Variants in NAALADL2 observed in about 807,000 individuals in gnomAD.
The protein encoded by NAALADL2 is N-acetylated alpha-linked acidic dipeptidase like 2, also known as inactive N-acetylated-alpha-linked acidic dipeptidase-like protein 2.
Under a neutral mutation model 87.2 loss-of-function variants are expected in NAALADL2, and 76 were observed. That is an observed-to-expected ratio of 0.87 (90% CI 0.72 to 1.05). The LOEUF is 1.05. Among genes scored for constraint, NAALADL2 ranks in the 50% least tolerant of loss-of-function variants. NAALADL2 has a pLI of 0.00. For synonymous variants in NAALADL2, 354 were observed against 331.0 expected, an observed-to-expected ratio of 1.07 and a Z score of -0.75; for missense variants, 1,089 against 945.8, an observed-to-expected ratio of 1.15 and a Z score of -1.99.
chr3:174,625,065 T>C (rs1432431949), intron 2 of NAALADL2, among the ~76,000 whole-genome samples: 14 of 144,188 alleles, frequency 9.7e-5, no homozygotes, highest in African/African-American at 2.9e-4. Flanking sequence ...CTCTTTTTTT[T>C]TTTTTTTTTT....
At chr3:174,787,586 T>TATATATATATATATAC (rs1448196514) in intron 3 of NAALADL2, among the ~76,000 whole-genome samples, 6 of 57,322 alleles carry the variant, frequency 1.0e-4, no homozygotes, top group African/African-American at 3.0e-4. Flanking sequence ...CATATATATA[T>TATATATATATATATAC]ATATATATAT....
intron 4 of NAALADL2, among the ~76,000 whole-genome samples, chr3:175,263,506 T>C (rs1170874880): frequency 1.3e-5 from 2 of 151,858 alleles, no homozygotes; most frequent in African/African-American, 4.8e-5. Flanking sequence ...AAAATATAAT[T>C]TAATTGTACT....
intron 1 of NAALADL2, among the ~76,000 whole-genome samples, chr3:174,985,150 A>C (rs1193754385): frequency 6.6e-6 from 1 of 152,196 alleles, no homozygotes; most frequent in East Asian, 1.9e-4. Flanking sequence ...ACAAACCACA[A>C]ACATTGTTTG....
chr3:174,800,559 G>A (rs1324057021), intron 3 of NAALADL2, among the ~76,000 whole-genome samples: 5 of 152,196 alleles, frequency 3.3e-5, no homozygotes, highest in Non-Finnish European at 7.3e-5. Flanking sequence ...CTAGGGCAAT[G>A]CAGAAGGGAG....
chr3:175,397,888 C>T (rs1207162297), intron 5 of NAALADL2, among the ~76,000 whole-genome samples: 1 of 152,076 alleles, frequency 6.6e-6, no homozygotes, highest in Non-Finnish European at 1.5e-5. Context: ...GGGAATTGGG[C>T]TAAGAGTTTC....
chr3:174,518,529 A>C (rs773096058), intron 1 of NAALADL2, among the ~76,000 whole-genome samples: 105 of 152,300 alleles, frequency 6.9e-4, no homozygotes, highest in African/African-American at 2.4e-3. Flanking sequence ...TCTTACTATA[A>C]AGTAAATCAC....
chr3:175,736,093 T>G (rs1017790323), intron 11 of NAALADL2, among the ~76,000 whole-genome samples: 2 of 151,654 alleles, frequency 1.3e-5, no homozygotes, highest in Non-Finnish European at 2.9e-5. Context: ...GAGAGAGAGA[T>G]AACAATGGCA....
At chr3:175,549,440 T>G (rs568938349) in intron 9 of NAALADL2, among the ~76,000 whole-genome samples, 1 of 152,152 alleles carries the variant, frequency 6.6e-6, no homozygotes. Context: ...TATATGAATC[T>G]AATCACACAT....
At chr3:174,966,224 C>G (rs543035316) in intron 1 of NAALADL2, among the ~76,000 whole-genome samples, 1 of 152,170 alleles carries the variant, frequency 6.6e-6, no homozygotes, top group African/African-American at 2.4e-5. Context: ...AACTTTGTTT[C>G]TCCTTGATCT....
chr3:175,663,595 T>G (rs996481638), intron 11 of NAALADL2, among the ~76,000 whole-genome samples: 5 of 151,872 alleles, frequency 3.3e-5, no homozygotes, highest in African/African-American at 1.2e-4. Context: ...TTCTACTAAT[T>G]TTGGTTTTGT....
At chr3:174,729,431 T>C (rs1233064892) in intron 2 of NAALADL2, among the ~76,000 whole-genome samples, 3 of 152,032 alleles carry the variant, frequency 2.0e-5, no homozygotes, top group African/African-American at 7.2e-5. Context: ...GGCCAGACTT[T>C]GAGTCCAGGT....
chr3:174,449,890 A>G (rs1715354679), intron 1 of NAALADL2, among the ~76,000 whole-genome samples: 2 of 152,130 alleles, frequency 1.3e-5, no homozygotes, highest in African/African-American at 4.8e-5. Context: ...AATGTTCCAC[A>G]TGATATTGTT....
chr3:175,221,375 A>G (rs1027032529), intron 2 of NAALADL2, among the ~76,000 whole-genome samples: 1 of 151,980 alleles, frequency 6.6e-6, no homozygotes, highest in Non-Finnish European at 1.5e-5. Flanking sequence ...GGCCTCTCGA[A>G]GTGTATTGAG....
At position 174,968,136 on chromosome 3, in the gene NAALADL2, C is replaced by T. The variant is rs141418411; in HGVS notation, c.43+108686C>T. Among the ~76,000 whole-genome samples the T allele has an allele frequency of 5.2e-3, 787 of 152,230 alleles. 3 individuals are homozygous for T. Among genetic ancestry groups the T allele is most frequent in the Non-Finnish European group, 9.3e-3 (631 of 68,016 alleles). Reference sequence around the variant, plus strand: ...TGCACTATCTAATGATTTGTCCTCCCAACTTCATTTCCCACCTCTTACTTT... The same window carrying T: ...TGCACTATCTAATGATTTGTCCTCCTAACTTCATTTCCCACCTCTTACTTT... On this transcript the variant is annotated intron_variant, in intron 1 of 13. Transcript: ENST00000454872.
At chr3:174,592,270 T>A (rs1251526291) in intron 2 of NAALADL2, among the ~76,000 whole-genome samples, 3 of 152,198 alleles carry the variant, frequency 2.0e-5, no homozygotes. Context: ...TATTATACTT[T>A]AAGTTTTAGG....
chr3:175,509,709 A>G (rs1560677451), intron 9 of NAALADL2, among the ~76,000 whole-genome samples: 1 of 152,220 alleles, frequency 6.6e-6, no homozygotes, highest in Non-Finnish European at 1.5e-5. Flanking sequence ...CTGCTGCTAT[A>G]AGGACATGCG....
At chr3:174,552,497 C>T (rs1712241957) in intron 2 of NAALADL2, among the ~76,000 whole-genome samples, 1 of 151,942 alleles carries the variant, frequency 6.6e-6, no homozygotes, top group Non-Finnish European at 1.5e-5. Flanking sequence ...TTAGTTTTTA[C>T]TACAAATCAA....
At chr3:175,165,213 A>G (rs530585977) in intron 2 of NAALADL2, among the ~76,000 whole-genome samples, 8 of 152,232 alleles carry the variant, frequency 5.3e-5, no homozygotes, top group Middle Eastern at 3.4e-3. Context: ...AGAATTACCA[A>G]TTGTCATCCT....
At chr3:175,727,926 C>T (rs1583030884) in intron 11 of NAALADL2, among the ~76,000 whole-genome samples, 1 of 152,222 alleles carries the variant, frequency 6.6e-6, no homozygotes, top group Non-Finnish European at 1.5e-5. Context: ...CATGGTGGCT[C>T]TTGTTGGGGC....
Sources: gnomAD v4.1 joint callset for allele counts (sites outside exome capture counted in the v4.1 genomes callset) on GRCh38, gnomAD v4.1.1 for gene constraint, MANE v1.5 for transcripts, NCBI Gene and HGNC (gene_info 2026-07-23, HGNC 2026-07-21) for gene names.